The following ABCB1 variants were observed in gnomAD, a reference collection of about 807,000 sequenced individuals.
ABCB1 encodes ATP-dependent translocase ABCB1.
Under a neutral mutation model 142.0 loss-of-function variants are expected in ABCB1, and 69 were observed. The ratio of observed to expected loss-of-function variants is 0.49; its 90% confidence interval spans 0.40 to 0.59. The LOEUF (loss-of-function observed/expected upper bound fraction) is 0.59, where lower values mean the gene tolerates loss of function less well. ABCB1 is among the 20% of genes least tolerant of loss of function. The pLI, the probability that ABCB1 is intolerant of heterozygous loss-of-function variation, is 0.00. For missense variants in ABCB1, 1,326 were observed against 1,554.7 expected (o/e 0.85, Z 2.47); for synonymous variants, 532 against 539.2 (o/e 0.99, Z 0.18).
intron 21 of ABCB1, chr7:87,521,100 C>T (rs1300305920): frequency 7.6e-6 from 4 of 528,678 alleles, no homozygotes; most frequent in Non-Finnish European, 1.3e-5. Flanking sequence ...GAAATAGAAG[C>T]TAAGACTTAA....
At chr7:87,590,533 A>G (rs542626319) in intron 3 of ABCB1, among the ~76,000 whole-genome samples, 10 of 152,302 alleles carry the variant, frequency 6.6e-5, no homozygotes, top group Middle Eastern at 3.4e-3. Flanking sequence ...CCATGATGAG[A>G]CTTCAGTGAC....
At position 87,539,358 on chromosome 7, in the gene ABCB1, A is replaced by T; in HGVS notation, c.2320-13T>A. The stretch of plus-strand genomic sequence containing the variant: ...CAAATGTGAAACCCTGTGGGCAGGA[A>T]CATACCTTGTCAGGGACCCAGCCAC... On this transcript the variant is annotated splice_polypyrimidine_tract_variant and intron_variant, in intron 18 of 27. Coordinates refer to ENST00000622132, the MANE Select transcript of ABCB1 (RefSeq NM_001348946.2). 1 of 1,613,616 alleles carries T rather than the reference A, an allele frequency of 6.2e-7. No homozygotes were observed. Among genetic ancestry groups the T allele is most frequent in the Admixed American group, 1.7e-5 (1 of 60,020 alleles).
At chr7:87,614,738 C>T (rs182764039) in intron 1 of ABCB1, among the ~76,000 whole-genome samples, 112 of 152,224 alleles carry the variant, frequency 7.4e-4, no homozygotes, top group African/African-American at 2.5e-3. Context: ...GTCTCTCCTG[C>T]TAATATCCAG....
At chr7:87,658,614 G>GAA (rs1824368340) in intron 1 of ABCB1, among the ~76,000 whole-genome samples, 1 of 152,024 alleles carries the variant, frequency 6.6e-6, no homozygotes, top group Non-Finnish European at 1.5e-5. Flanking sequence ...TAAAGACAAA[G>GAA]AAAAAATGTT....
At chr7:87,694,423 C>A (rs1206732134) in intron 1 of ABCB1, among the ~76,000 whole-genome samples, 1 of 152,110 alleles carries the variant, frequency 6.6e-6, no homozygotes, top group Non-Finnish European at 1.5e-5. Context: ...CTGCTATATG[C>A]AAAACACTGC....
intron 4 of ABCB1, among the ~76,000 whole-genome samples, chr7:87,573,440 A>G (rs1029442093): frequency 6.6e-6 from 1 of 152,112 alleles, no homozygotes; most frequent in African/African-American, 2.4e-5. Flanking sequence ...ACTCCAAAAT[A>G]TATCTAGAGC....
intron 4 of ABCB1, among the ~76,000 whole-genome samples, chr7:87,578,938 C>A (rs767757027): frequency 6.6e-6 from 1 of 152,004 alleles, no homozygotes; most frequent in Non-Finnish European, 1.5e-5. Context: ...CGTGATCCAC[C>A]TGCCTCGGCC....
intron 1 of ABCB1, among the ~76,000 whole-genome samples, chr7:87,612,356 T>G (rs1048997453): frequency 6.6e-6 from 1 of 152,028 alleles, no homozygotes; most frequent in African/African-American, 2.4e-5. Flanking sequence ...TCCAGAAGAG[T>G]TTTTCCTAGG....
intron 4 of ABCB1, among the ~76,000 whole-genome samples, chr7:87,573,093 T>C (rs772765534): frequency 1.2e-4 from 18 of 152,198 alleles, no homozygotes; most frequent in Non-Finnish European, 2.1e-4. Flanking sequence ...AGAGGTTTAA[T>C]GCACTCATAG....
At chr7:87,599,571 G>A (rs986660078) in intron 2 of ABCB1, among the ~76,000 whole-genome samples, 2 of 152,178 alleles carry the variant, frequency 1.3e-5, no homozygotes, top group African/African-American at 4.8e-5. Flanking sequence ...CAGGAAAGCT[G>A]AGAAAGAGGC....
chr7:87,628,589 GTGTGT>G, intron 1 of ABCB1: 1 of 34,458 alleles, frequency 2.9e-5, no homozygotes, highest in Non-Finnish European at 5.1e-5. Flanking sequence ...GCGTGCGTGT[GTGTGT>G]GTGTGTGTGT....
At chr7:87,650,540 C>T (rs12539395) in intron 1 of ABCB1, among the ~76,000 whole-genome samples, 23,873 of 151,950 alleles carry the variant, frequency 0.16, 3,172 homozygotes, top group African/African-American at 0.37. Flanking sequence ...CCAAAGGCAC[C>T]CACCCTTAAT....
intron 2 of ABCB1, among the ~76,000 whole-genome samples, chr7:87,596,062 C>T (rs2129982495): frequency 6.6e-6 from 1 of 152,012 alleles, no homozygotes; most frequent in South Asian, 2.1e-4. Flanking sequence ...TATTTTCTTC[C>T]TTGTGCCTTT....
At chr7:87,648,038 A>G (rs1242346811) in intron 1 of ABCB1, among the ~76,000 whole-genome samples, 2 of 151,982 alleles carry the variant, frequency 1.3e-5, no homozygotes, top group African/African-American at 4.8e-5. Flanking sequence ...ACAAAAAATT[A>G]GCCGGGCTTG....
At chr7:87,609,236 G>C (rs371723575) in intron 1 of ABCB1, among the ~76,000 whole-genome samples, 7 of 152,290 alleles carry the variant, frequency 4.6e-5, no homozygotes, top group African/African-American at 1.7e-4. Context: ...ATAACTTTGA[G>C]CCAAGACGGG....
At chr7:87,652,138 A>C (rs1228065836) in intron 1 of ABCB1, among the ~76,000 whole-genome samples, 1 of 152,132 alleles carries the variant, frequency 6.6e-6, no homozygotes, top group East Asian at 1.9e-4. Flanking sequence ...CCTAACTAAA[A>C]AGCATATGGA....
intron 7 of ABCB1, chr7:87,563,304 CCCATTCTATGAGG>C (rs998879248): frequency 1.1e-4 from 48 of 432,166 alleles, no homozygotes; most frequent in African/African-American, 8.8e-4. Context: ...TCCTCTCTGA[CCCATTCTATGAGG>C]CCAGAATAAT....
intron 4 of ABCB1, among the ~76,000 whole-genome samples, chr7:87,575,198 C>A (rs891631197): frequency 6.6e-6 from 1 of 152,110 alleles, no homozygotes; most frequent in Admixed American, 6.5e-5. Context: ...CATTTAGTAA[C>A]TTTAATAACT....
At chr7:87,542,270 T>A (rs2129650198) in intron 17 of ABCB1, among the ~76,000 whole-genome samples, 1 of 152,296 alleles carries the variant, frequency 6.6e-6, no homozygotes, top group East Asian at 1.9e-4. Context: ...TCATAACAAT[T>A]ACCAAATTCT....
Sources: gnomAD v4.1 joint callset for allele counts (sites outside exome capture counted in the v4.1 genomes callset) on GRCh38, gnomAD v4.1.1 for gene constraint, MANE v1.5 for transcripts, NCBI Gene and HGNC (gene_info 2026-07-23, HGNC 2026-07-21) for gene names.